The following ROBO1 variants were observed in gnomAD, a reference collection of about 807,000 sequenced individuals.
The protein encoded by ROBO1 is roundabout homolog 1.
A neutral mutation model predicts 195.9 loss-of-function variants in ROBO1; 149 were observed. The observed-to-expected ratio is 0.76, with a 90% confidence interval of 0.67 to 0.87. The LOEUF (loss-of-function observed/expected upper bound fraction) is 0.87, where lower values mean the gene tolerates loss of function less well. ROBO1 is among the 40% of genes least tolerant of loss of function. ROBO1 has a pLI of 0.00. For synonymous variants in ROBO1, 816 were observed against 733.2 expected (o/e 1.11, Z -1.82); for missense variants, 1,933 against 2,068.3 (o/e 0.93, Z 1.27).
At chr3:79,060,566 A>T (rs1198734317) in intron 3 of ROBO1, among the ~76,000 whole-genome samples, 1 of 151,964 alleles carries the variant, frequency 6.6e-6, no homozygotes, top group Non-Finnish European at 1.5e-5. Flanking sequence ...AAAGAACCTA[A>T]GTTGAAATAT....
chr3:78,631,424 A>C, intron 24 of ROBO1, 119 bp from the exon 25 acceptor site: 2 of 1,166,994 alleles, frequency 1.7e-6, no homozygotes, highest in Admixed American at 5.7e-5. Flanking sequence ...TACAGAGATA[A>C]ACATGCTTTT....
At chr3:79,014,867 AT>A (rs1289221500) in intron 3 of ROBO1, among the ~76,000 whole-genome samples, 1 of 152,238 alleles carries the variant, frequency 6.6e-6, no homozygotes, top group East Asian at 1.9e-4. Context: ...ACAGATGATA[AT>A]AAATAAAGAT....
intron 2 of ROBO1, among the ~76,000 whole-genome samples, chr3:79,223,437 C>T (rs1021571991): frequency 2.0e-5 from 3 of 152,116 alleles, no homozygotes; most frequent in Admixed American, 6.6e-5. Flanking sequence ...TGCCCAGCTG[C>T]CTTATCAGTC....
chr3:79,116,261 CCCTTCCTT>C (rs1197582747), intron 3 of ROBO1, among the ~76,000 whole-genome samples: 1 of 151,186 alleles, frequency 6.6e-6, no homozygotes, highest in Non-Finnish European at 1.5e-5. Context: ...CTCTTTCTTT[CCCTTCCTT>C]CCTTCCTTTC....
intron 2 of ROBO1, among the ~76,000 whole-genome samples, chr3:79,525,457 A>G (rs1262305491): frequency 6.7e-6 from 1 of 148,556 alleles, no homozygotes; most frequent in African/African-American, 2.5e-5. Flanking sequence ...TTTTATGACA[A>G]TTTTCTATGT....
intron 2 of ROBO1, among the ~76,000 whole-genome samples, chr3:79,181,877 T>TGGA (rs1576782555): frequency 6.7e-6 from 1 of 150,076 alleles, no homozygotes; most frequent in Non-Finnish European, 1.5e-5. Flanking sequence ...ACTGAGATGT[T>TGGA]GTCATGCCAA....
chr3:79,600,482 G>A lies in ROBO1; in HGVS notation c.-50-10521C>T, dbSNP rs558075740. Among the ~76,000 whole-genome samples the A allele has an allele frequency of 9.9e-5, 15 of 152,040 alleles. No individual in the cohort carries two copies. The South Asian group carries it at 2.9e-3, about 29-fold the overall frequency. On this transcript the variant is annotated intron_variant, in intron 1 of 30. Coordinates refer to ENST00000464233, the MANE Select transcript of ROBO1 (RefSeq NM_002941.4). Reference sequence around the variant, plus strand: ...GGAGTGAGAGAAAATTAGAGAAACAGAACAGTTGTTTAGCAAGCATGTTTA... The same window carrying A: ...GGAGTGAGAGAAAATTAGAGAAACAAAACAGTTGTTTAGCAAGCATGTTTA...
At chr3:79,401,054 A>C (rs948667050) in intron 2 of ROBO1, among the ~76,000 whole-genome samples, 1 of 151,858 alleles carries the variant, frequency 6.6e-6, no homozygotes, top group Non-Finnish European at 1.5e-5. Context: ...CTATATGTAT[A>C]CCCATATTTA....
intron 2 of ROBO1, among the ~76,000 whole-genome samples, chr3:79,405,734 C>G (rs2037521422): frequency 6.6e-6 from 1 of 152,006 alleles, no homozygotes; most frequent in Admixed American, 6.6e-5. Context: ...ACTATTTTAA[C>G]TTAGTGGATG....
chr3:79,612,955 C>T (rs904792224), intron 1 of ROBO1, among the ~76,000 whole-genome samples: 3 of 21,198 alleles, frequency 1.4e-4, no homozygotes, highest in African/African-American at 3.5e-4. Flanking sequence ...AAAATTAAAA[C>T]ATAAAAATCA....
At chr3:79,597,973 C>T (rs1003329739) in intron 1 of ROBO1, among the ~76,000 whole-genome samples, 5 of 151,998 alleles carry the variant, frequency 3.3e-5, no homozygotes, top group African/African-American at 4.8e-5. Context: ...TTTGTTTGGA[C>T]AGATCATGGG....
At chr3:78,960,779 AACACACAC>A (rs751349324) in intron 3 of ROBO1, among the ~76,000 whole-genome samples, 21,594 of 124,264 alleles carry the variant, frequency 0.17, 1,775 homozygotes, top group East Asian at 0.21. Flanking sequence ...TCCGTATTAA[AACACACAC>A]ACACACACAC....
intron 2 of ROBO1, among the ~76,000 whole-genome samples, chr3:79,350,825 CT>C (rs928868291): frequency 2.0e-5 from 3 of 150,804 alleles, no homozygotes; most frequent in Admixed American, 6.6e-5. Context: ...TACAAGAATT[CT>C]TTTTTTTTAA....
intron 3 of ROBO1, among the ~76,000 whole-genome samples, chr3:79,065,036 G>T (rs1441932068): frequency 6.6e-6 from 1 of 151,930 alleles, no homozygotes; most frequent in Non-Finnish European, 1.5e-5. Context: ...TCAGGTGGAG[G>T]TTGTATGACA....
At chr3:78,662,144 G>A in intron 14 of ROBO1, 30 bp from the exon 15 acceptor site, 1 of 1,547,934 alleles carries the variant, frequency 6.5e-7, no homozygotes, top group South Asian at 1.2e-5. Flanking sequence ...CTGTGTCAGG[G>A]TCTGCACAAC....
chr3:79,190,754 C>T lies in ROBO1; in HGVS notation c.89-65215G>A, dbSNP rs1409868266. Among the ~76,000 whole-genome samples the T allele has an allele frequency of 2.0e-5, 3 of 151,546 alleles. No individual in the cohort carries two copies. In the East Asian group the frequency reaches 5.8e-4, roughly 29 times the overall value. ...AAAAATTAAAACTTATCAAATGTCT[C>T]GCATCTCTAAGCTTTTTAAAAAAAT... is the stretch of plus-strand genomic sequence containing the variant. On this transcript the variant is annotated intron_variant, in intron 2 of 30. Transcript: ENST00000464233.
chr3:79,432,156 G>A (rs1003653651), intron 2 of ROBO1, among the ~76,000 whole-genome samples: 2 of 151,952 alleles, frequency 1.3e-5, no homozygotes, highest in Non-Finnish European at 2.9e-5. Context: ...AGATACAGAG[G>A]CTGCCTTGAA....
At chr3:78,869,623 T>A (rs569857394) in intron 4 of ROBO1, among the ~76,000 whole-genome samples, 2 of 144,564 alleles carry the variant, frequency 1.4e-5, no homozygotes, top group South Asian at 2.2e-4. Flanking sequence ...ACCAGGTAAA[T>A]TTTTTTTTTT....
chr3:78,718,439 G>C (rs570819514), intron 5 of ROBO1, among the ~76,000 whole-genome samples: 41 of 152,202 alleles, frequency 2.7e-4, no homozygotes, highest in African/African-American at 9.6e-4. Flanking sequence ...ACGTGATGTT[G>C]CTGCCACCCA....
Sources: allele counts gnomAD v4.1 joint callset (sites outside exome capture counted in the v4.1 genomes callset), GRCh38; gene constraint gnomAD v4.1.1; transcripts MANE v1.5; gene names NCBI Gene and HGNC (gene_info 2026-07-23, HGNC 2026-07-21).